The following UGGT2 variants were observed in gnomAD, a reference collection of about 807,000 sequenced individuals.
The protein encoded by UGGT2 is UDP-glucose:glycoprotein glucosyltransferase 2.
A neutral mutation model predicts 192.1 loss-of-function variants in UGGT2; 180 were observed. The ratio of observed to expected loss-of-function variants is 0.94; its 90% CI spans 0.83 to 1.06. UGGT2 has a LOEUF of 1.06. UGGT2 is among the 50% of genes least tolerant of loss of function. The pLI is 0.00. For synonymous variants in UGGT2, 580 were observed against 591.0 expected (o/e 0.98, Z 0.27); for missense variants, 1,849 against 1,795.7 (o/e 1.03, Z -0.54).
chr13:95,811,804 G>A (rs1884598207), intron 38 of UGGT2, among the ~76,000 whole-genome samples: 1 of 152,002 alleles, frequency 6.6e-6, no homozygotes, highest in Admixed American at 6.6e-5. Context: ...ATTTAAGGCT[G>A]ACTATAGTGT....
At chr13:95,858,353 T>C (rs1454113884) in intron 33 of UGGT2, among the ~76,000 whole-genome samples, 1 of 152,028 alleles carries the variant, frequency 6.6e-6, no homozygotes, top group Non-Finnish European at 1.5e-5. Flanking sequence ...AATGATGTTA[T>C]TTGTAGTGAG....
intron 20 of UGGT2, among the ~76,000 whole-genome samples, chr13:95,924,432 T>G (rs1422847531): frequency 7.1e-6 from 1 of 141,304 alleles, no homozygotes; most frequent in Non-Finnish European, 1.5e-5. Context: ...TTTGAAATTT[T>G]CCGGTCTGCA....
chr13:95,945,789 A>T (rs2049845922), intron 15 of UGGT2, among the ~76,000 whole-genome samples: 1 of 152,154 alleles, frequency 6.6e-6, no homozygotes, highest in African/African-American at 2.4e-5. Context: ...ATATTGATGC[A>T]TATTCCATGG....
intron 4 of UGGT2, among the ~76,000 whole-genome samples, chr13:96,020,807 A>G (rs1393603332): frequency 6.6e-6 from 1 of 152,218 alleles, no homozygotes; most frequent in African/African-American, 2.4e-5. Flanking sequence ...CAAAACTACC[A>G]AGAACTGTAA....
intron 1 of UGGT2, among the ~76,000 whole-genome samples, chr13:96,040,518 CA>C (rs2053133865): frequency 6.6e-6 from 1 of 152,140 alleles, no homozygotes; most frequent in African/African-American, 2.4e-5. Context: ...AGGTAACATT[CA>C]CAGGTTCTGG....
Position 95,947,054 on chromosome 13 carries a change from A to C in UGGT2, c.1660T>G (p.Phe554Val), listed in dbSNP as rs763710087. ...IAEEFDISEA[F>V]ISIVHMYQKV... ...AAACTCACGTGTACTATAGAAATAA[A>C]TGCTTCTGATATATCAAATTCTTCT... is the stretch of plus-strand genomic sequence containing the variant. Residue 554 changes from phenylalanine (F) to valine (V), a missense_variant, in exon 15 of 39, where the codon TTT (phenylalanine) becomes GTT (valine). Physicochemically the swap from Phe to Val is conservative, Grantham distance 50 (BLOSUM62 -1). Coordinates refer to ENST00000376747, the MANE Select transcript of UGGT2 (RefSeq NM_020121.4). 6.2e-7 allele frequency: 1 copy of C among 1,600,472 alleles called. No homozygotes were observed. The highest frequency in any genetic ancestry group is 8.5e-7 in the Non-Finnish European group (1 of 1,176,290).
intron 9 of UGGT2, among the ~76,000 whole-genome samples, chr13:95,984,542 T>A (rs1402956782): frequency 3.9e-5 from 6 of 151,906 alleles, no homozygotes; most frequent in Non-Finnish European, 8.8e-5. Flanking sequence ...GTTGCCCGGG[T>A]TGGTCTAAAA....
At chr13:95,846,942 CT>C (rs1002561101) in intron 36 of UGGT2, among the ~76,000 whole-genome samples, 18 of 150,104 alleles carry the variant, frequency 1.2e-4, no homozygotes, top group Non-Finnish European at 2.1e-4. Context: ...TGTCTTTTAC[CT>C]TTTTTTTTCT....
intron 9 of UGGT2, chr13:95,985,124 C>A: frequency 4.8e-6 from 2 of 417,248 alleles, no homozygotes; most frequent in Admixed American, 4.4e-5. Context: ...TAGAGCTAAT[C>A]AACTGTCTGA....
At chr13:95,868,328 G>A (rs549672116) in intron 29 of UGGT2, among the ~76,000 whole-genome samples, 1 of 152,272 alleles carries the variant, frequency 6.6e-6, no homozygotes, top group Admixed American at 6.5e-5. Flanking sequence ...AGGTGTGATG[G>A]CTTACACCTG....
chr13:95,922,685 G>C (rs1334623911), intron 20 of UGGT2, among the ~76,000 whole-genome samples: 1 of 151,862 alleles, frequency 6.6e-6, no homozygotes, highest in Non-Finnish European at 1.5e-5. Context: ...TGCTGGGTGT[G>C]ATGGCATGCA....
chr13:95,902,900 G>A lies in UGGT2; in HGVS notation c.2456C>T (p.Ala819Val). Residue 819 changes from alanine to valine, a missense_variant, in exon 21 of 39, where the codon GCT becomes GTT. Physicochemically the swap from Ala to Val is moderately conservative, Grantham distance 64. Coordinates refer to ENST00000376747, the MANE Select transcript of UGGT2 (RefSeq NM_020121.4). Reference sequence around the variant, plus strand: ...TTTATCTCCAGAGTAAATAGCTGTAGCAATTTCTTCCTTTGCCAGTTGCCC... The same window carrying A: ...TTTATCTCCAGAGTAAATAGCTGTAACAATTTCTTCCTTTGCCAGTTGCCC... Reference protein sequence around the residue: ...FLGQLAKEEIATAIYSGDKIK... With the variant: ...FLGQLAKEEIVTAIYSGDKIK... 6.2e-7 allele frequency: 1 copy of A among 1,613,424 alleles called. No individual in the cohort carries two copies. The highest frequency in any genetic ancestry group is 1.3e-5 in the African/African-American group (1 of 75,002).
Position 95,927,222 on chromosome 13 carries a change from A to G in UGGT2, c.2092T>C (p.Ser698Pro), listed in dbSNP as rs780095228. 1.4e-5 allele frequency: 22 copies of G among 1,611,646 alleles called. No individual in the cohort carries two copies. The highest frequency in any genetic ancestry group is 1.7e-5 in the Non-Finnish European group (20 of 1,178,232). ...TATAGGATTATTTTACCTGATGTAG[A>G]TATTAAATTGAGGTACTGCTGGTTA... ...RTNQQYLNLI[S>P]TSVTADVEDF... is the part of the protein sequence containing the mutation. The change falls in exon 18 of 39, where the codon TCT becomes CCT. Residue 698 changes from serine (S) to proline (P), a missense_variant. Coordinates refer to ENST00000376747, the MANE Select transcript of UGGT2 (RefSeq NM_020121.4).
At chr13:95,932,264 T>C (rs1371694742) in intron 17 of UGGT2, among the ~76,000 whole-genome samples, 1 of 152,012 alleles carries the variant, frequency 6.6e-6, no homozygotes, top group African/African-American at 2.4e-5. Flanking sequence ...ATTATCCTTG[T>C]AGAGATCTTT....
chr13:95,806,034 A>AT (rs1188962368), intron 38 of UGGT2, among the ~76,000 whole-genome samples: 17 of 134,436 alleles, frequency 1.3e-4, no homozygotes, highest in Non-Finnish European at 1.5e-4. Context: ...GAAAGAGATT[A>AT]TTAAAAAAAA....
intron 36 of UGGT2, among the ~76,000 whole-genome samples, chr13:95,848,211 T>C (rs1026367636): frequency 1.3e-5 from 2 of 152,236 alleles, no homozygotes; most frequent in African/African-American, 4.8e-5. Context: ...CACTCCTTTA[T>C]CAGATGCATC....
At chr13:95,885,103 G>C (rs1227423546) in intron 26 of UGGT2, among the ~76,000 whole-genome samples, 1 of 152,170 alleles carries the variant, frequency 6.6e-6, no homozygotes, top group Non-Finnish European at 1.5e-5. Context: ...TGAAATTCAA[G>C]CTGAAATTCT....
intron 38 of UGGT2, among the ~76,000 whole-genome samples, chr13:95,811,710 T>C (rs562925052): frequency 6.1e-4 from 93 of 152,220 alleles, no homozygotes; most frequent in African/African-American, 2.1e-3. Context: ...AAATGCATTA[T>C]AACAATAGCA....
intron 38 of UGGT2, among the ~76,000 whole-genome samples, chr13:95,822,662 G>A (rs957737458): frequency 9.9e-5 from 15 of 151,896 alleles, no homozygotes; most frequent in South Asian, 2.1e-4. Context: ...TGATGTCTCC[G>A]GTTTCATTTC....
Sources: gnomAD v4.1 joint callset for allele counts (sites outside exome capture counted in the v4.1 genomes callset) on GRCh38, gnomAD v4.1.1 for gene constraint, MANE v1.5 for transcripts, NCBI Gene and HGNC (gene_info 2026-07-23, HGNC 2026-07-21) for gene names.